MPRIP: variants seen among roughly 807,000 people sequenced by gnomAD.
MPRIP encodes myosin phosphatase Rho-interacting protein.
In MPRIP, 59 loss-of-function variants were observed where a neutral mutation model predicts 234.9. The observed-to-expected ratio is 0.25, with a 90% CI of 0.20 to 0.31. The LOEUF (loss-of-function observed/expected upper bound fraction) is 0.31, where lower values mean the gene tolerates loss of function less well. Among genes scored for constraint, MPRIP ranks in the 10% least tolerant of loss-of-function variants. The probability of loss-of-function intolerance (pLI) is 1.00; values close to 1 mark genes in which losing one functional copy is unlikely to be tolerated. For missense variants in MPRIP, 2,436 were observed against 3,071.0 expected (o/e 0.79, Z 4.89); for synonymous variants, 1,144 against 1,263.9 (o/e 0.91, Z 2.01).
In MPRIP at chr17:17,156,542, C is replaced by T. The variant is rs1474976818; in HGVS notation, c.1830-1890C>T. 2.6e-5 allele frequency among the ~76,000 whole-genome samples: 4 copies of T among 152,222 alleles called. No homozygotes were observed. In the East Asian group the frequency reaches 7.7e-4, roughly 29 times the overall value. ...AACTGCAGTCTCAGAAGCTGCTGTC[C>T]TCGTCCTGCTCTCATCGCCATCTTG... On this transcript the variant is annotated intron_variant, in intron 13 of 23. Transcript: ENST00000651222.
chr17:17,171,918 G>A, intron 17 of MPRIP, 53 bp downstream of exon 17: 2 of 1,564,950 alleles, frequency 1.3e-6, no homozygotes, highest in Middle Eastern at 1.7e-4. Flanking sequence ...CTTTTTTTGA[G>A]CTAGACACAC....
intron 1 of MPRIP, among the ~76,000 whole-genome samples, chr17:17,058,440 G>A (rs1209242593): frequency 6.7e-6 from 1 of 148,716 alleles, no homozygotes; most frequent in Non-Finnish European, 1.5e-5. Flanking sequence ...CTCTAGGACT[G>A]TTAGGAGTGG....
chr17:17,046,499 G>C (rs1174687704), intron 1 of MPRIP, among the ~76,000 whole-genome samples: 2 of 152,218 alleles, frequency 1.3e-5, no homozygotes, highest in Middle Eastern at 3.4e-3. Context: ...TCCAAAAAAG[G>C]CTGTGTGATA....
chr17:17,120,118 C>G (rs2090360424), intron 3 of MPRIP, among the ~76,000 whole-genome samples: 1 of 152,180 alleles, frequency 6.6e-6, no homozygotes, highest in Non-Finnish European at 1.5e-5. Context: ...AAAGGGAAGA[C>G]TCCCACCCAG....
At chr17:17,151,723 G>A (rs2045607985) in intron 12 of MPRIP, among the ~76,000 whole-genome samples, 1 of 152,228 alleles carries the variant, frequency 6.6e-6, no homozygotes. Context: ...TAGTCATTCA[G>A]GAAATTCCAA....
intron 3 of MPRIP, chr17:17,096,962 C>T (rs1462191077): frequency 2.7e-6 from 1 of 368,590 alleles, no homozygotes; most frequent in African/African-American, 2.1e-5. Context: ...GGAGCATAAG[C>T]ACTGAGACAG....
chr17:17,181,819 G>A (rs2046379868), intron 23 of MPRIP: 1 of 152,244 alleles, frequency 6.6e-6, no homozygotes, highest in African/African-American at 2.4e-5. Flanking sequence ...CAGTAACTCT[G>A]TGCAGTGAGT....
intron 3 of MPRIP, among the ~76,000 whole-genome samples, chr17:17,102,005 T>C (rs973136110): frequency 2.6e-5 from 4 of 152,196 alleles, no homozygotes; most frequent in African/African-American, 4.8e-5. Context: ...GGTGTAGTCC[T>C]CTGGCTTCTA....
At chr17:17,063,388 G>A (rs2088924897) in intron 1 of MPRIP, among the ~76,000 whole-genome samples, 1 of 152,198 alleles carries the variant, frequency 6.6e-6, no homozygotes, top group South Asian at 2.1e-4. Context: ...AATACATTTG[G>A]CCTGGAGCCG....
chr17:17,164,812 A>G lies in MPRIP; in HGVS notation c.3221A>G (p.Glu1074Gly). ...AAGGAGAAGCTGAGCGCCACTTTCG[A>G]GGGCAGTGAGCAGGTGCACCAGCTG... is the stretch of plus-strand genomic sequence containing the variant. ...LQKEKLSATF[E>G]GSEQVHQLEE... Residue 1074 changes from glutamate (E) to glycine (G), a missense_variant, in exon 16 of 24, where the codon GAG becomes GGG. Physicochemically the swap from Glu to Gly is moderately conservative, Grantham distance 98. Transcript: ENST00000651222. 2 of 1,304,178 alleles carry G rather than the reference A, an allele frequency of 1.5e-6. No homozygotes were observed. The highest frequency in any genetic ancestry group is 2.0e-6 in the Non-Finnish European group (2 of 988,932). 80.8% of individuals were successfully genotyped at this position (1,304,178 alleles called of 1,614,324 possible). A position where few individuals can be genotyped will look rare whatever the true frequency, so the allele number is the denominator to read the frequency against.
intron 3 of MPRIP, among the ~76,000 whole-genome samples, chr17:17,088,878 T>A (rs1268904589): frequency 6.6e-6 from 1 of 152,216 alleles, no homozygotes; most frequent in Non-Finnish European, 1.5e-5. Flanking sequence ...GGAAATGTTC[T>A]TTATGGTGGG....
At chr17:17,052,653 G>C (rs1004980490) in intron 1 of MPRIP, among the ~76,000 whole-genome samples, 2 of 152,210 alleles carry the variant, frequency 1.3e-5, no homozygotes, top group African/African-American at 4.8e-5. Context: ...TTGAGTGTGT[G>C]GTGGGGCGTG....
intron 3 of MPRIP, among the ~76,000 whole-genome samples, chr17:17,117,818 A>G (rs1401687800): frequency 2.0e-5 from 3 of 152,202 alleles, no homozygotes; most frequent in Non-Finnish European, 4.4e-5. Context: ...TTACAATCAA[A>G]ACGAGGCCTA....
intron 19 of MPRIP, among the ~76,000 whole-genome samples, chr17:17,174,304 C>G (rs529182920): frequency 3.3e-5 from 5 of 152,262 alleles, no homozygotes; most frequent in African/African-American, 1.2e-4. Context: ...CAACGCTGTA[C>G]TGCCACGTGC....
At chr17:17,128,716 C>T (rs1399371439) in intron 4 of MPRIP, among the ~76,000 whole-genome samples, 3 of 152,194 alleles carry the variant, frequency 2.0e-5, no homozygotes, top group East Asian at 1.9e-4. Flanking sequence ...GGCATAACCT[C>T]GTGATCCGCC....
intron 4 of MPRIP, among the ~76,000 whole-genome samples, chr17:17,130,497 C>T (rs1249302212): frequency 2.0e-5 from 3 of 151,628 alleles, no homozygotes; most frequent in Non-Finnish European, 4.4e-5. Flanking sequence ...ACAGAAGACT[C>T]GAGCCCTTCT....
intron 3 of MPRIP, among the ~76,000 whole-genome samples, chr17:17,097,971 A>G (rs924403302): frequency 7.9e-5 from 12 of 152,206 alleles, no homozygotes; most frequent in Non-Finnish European, 1.8e-4. Flanking sequence ...ATCTTATTTT[A>G]GATCCTGTGT....
intron 14 of MPRIP, among the ~76,000 whole-genome samples, chr17:17,160,137 G>C (rs555916728): frequency 6.6e-6 from 1 of 152,320 alleles, no homozygotes; most frequent in African/African-American, 2.4e-5. Context: ...GGGAGGCCGA[G>C]GCGGGCGGAT....
At chr17:17,143,029 C>T (rs968497599) in intron 8 of MPRIP, among the ~76,000 whole-genome samples, 2 of 152,216 alleles carry the variant, frequency 1.3e-5, no homozygotes, top group Admixed American at 1.3e-4. Flanking sequence ...CTATCTGAGA[C>T]AGCCCAGCAA....
Sources: gnomAD v4.1 joint callset for allele counts (sites outside exome capture counted in the v4.1 genomes callset) on GRCh38, gnomAD v4.1.1 for gene constraint, MANE v1.5 for transcripts, NCBI Gene and HGNC (gene_info 2026-07-23, HGNC 2026-07-21) for gene names.